MEMO1: variants seen among roughly 807,000 people sequenced by gnomAD.
The protein encoded by MEMO1 is mediator of cell motility 1.
Under a neutral mutation model 45.2 loss-of-function variants are expected in MEMO1, and 6 were observed. That is an observed-to-expected ratio of 0.13 (90% CI 0.07 to 0.26). The LOEUF (loss-of-function observed/expected upper bound fraction) is 0.26. Among genes scored for constraint, MEMO1 ranks in the 10% least tolerant of loss-of-function variants. The probability of loss-of-function intolerance (pLI) is 1.00; values close to 1 mark genes in which losing one functional copy is unlikely to be tolerated. For missense variants in MEMO1, 184 were observed against 370.5 expected (o/e 0.50, Z 4.13); for synonymous variants, 78 against 124.3 (o/e 0.63, Z 2.48).
chr2:32,010,721 G>GC (rs2148641510), intron 1 of MEMO1, among the ~76,000 whole-genome samples: 1 of 144,220 alleles, frequency 6.9e-6, no homozygotes, highest in East Asian at 2.3e-4. Flanking sequence ...CCCACCCCCG[G>GC]CAGGGCCCTC....
intron 6 of MEMO1, among the ~76,000 whole-genome samples, chr2:31,907,822 T>C (rs889834702): frequency 3.0e-3 from 337 of 111,046 alleles, no homozygotes; most frequent in South Asian, 4.0e-3. Context: ...CACACACACA[T>C]ACACACAACT....
chr2:31,994,967 A>T (rs1475123422), intron 2 of MEMO1, among the ~76,000 whole-genome samples: 1 of 122,848 alleles, frequency 8.1e-6, no homozygotes, highest in Non-Finnish European at 1.7e-5. Context: ...GGAGGAAAAG[A>T]GGGAGAGAGG....
intron 2 of MEMO1, among the ~76,000 whole-genome samples, chr2:31,958,432 G>A (rs1406722708): frequency 2.0e-5 from 3 of 151,776 alleles, no homozygotes; most frequent in Non-Finnish European, 4.4e-5. Flanking sequence ...AAAGGTCAGA[G>A]CCTCAGTCAT....
At chr2:32,009,520 T>A (rs952887824) in intron 2 of MEMO1, among the ~76,000 whole-genome samples, 2 of 152,196 alleles carry the variant, frequency 1.3e-5, no homozygotes, top group African/African-American at 2.4e-5. Flanking sequence ...CTTCACTCCC[T>A]GCAAGACAGC....
At chr2:31,918,284 GACTT>G (rs1296645993) in intron 5 of MEMO1, among the ~76,000 whole-genome samples, 13 of 152,186 alleles carry the variant, frequency 8.5e-5, no homozygotes, top group African/African-American at 2.9e-4. Flanking sequence ...TACGTGTAAA[GACTT>G]ACTCATCATT....
At chr2:31,942,752 G>C (rs1197111377) in intron 3 of MEMO1, among the ~76,000 whole-genome samples, 2 of 151,930 alleles carry the variant, frequency 1.3e-5, no homozygotes, top group African/African-American at 4.8e-5. Flanking sequence ...AAACTCCTGG[G>C]CTCAAGCAAT....
At chr2:31,916,835 CT>C (rs1681520320) in intron 6 of MEMO1, among the ~76,000 whole-genome samples, 1 of 152,014 alleles carries the variant, frequency 6.6e-6, no homozygotes, top group Non-Finnish European at 1.5e-5. Flanking sequence ...GTAAATAATA[CT>C]TTGAATACAG....
chr2:31,937,774 A>T (rs1247170504), intron 3 of MEMO1, among the ~76,000 whole-genome samples: 3 of 152,200 alleles, frequency 2.0e-5, no homozygotes, highest in Admixed American at 2.0e-4. Flanking sequence ...GGGGGGCTTC[A>T]ATATTCAAAG....
chr2:31,975,098 G>C (rs1216726432), intron 2 of MEMO1, among the ~76,000 whole-genome samples: 4 of 151,332 alleles, frequency 2.6e-5, no homozygotes, highest in African/African-American at 9.7e-5. Context: ...CTTGAAACTG[G>C]GAGGCAGAGG....
intron 7 of MEMO1, among the ~76,000 whole-genome samples, chr2:31,890,138 G>A (rs976490345): frequency 6.6e-6 from 1 of 152,080 alleles, no homozygotes; most frequent in African/African-American, 2.4e-5. Flanking sequence ...GAGGTAAAAA[G>A]GATGATTCCA....
chr2:31,902,634 C>G (rs1679033388), intron 6 of MEMO1, among the ~76,000 whole-genome samples: 2 of 152,174 alleles, frequency 1.3e-5, no homozygotes, highest in Admixed American at 1.3e-4. Flanking sequence ...ACAGAGGAAT[C>G]TTTTAGCCCT....
At chr2:31,875,934 G>A (rs899480023) in intron 8 of MEMO1, among the ~76,000 whole-genome samples, 1 of 151,934 alleles carries the variant, frequency 6.6e-6, no homozygotes, top group Non-Finnish European at 1.5e-5. Context: ...TGATCTGCTC[G>A]CCTCGGCCCC....
chr2:31,977,802 G>A (rs1053436783), intron 2 of MEMO1, among the ~76,000 whole-genome samples: 17 of 152,046 alleles, frequency 1.1e-4, no homozygotes, highest in African/African-American at 3.9e-4. Flanking sequence ...GGGATTACAG[G>A]CATGAGCCAC....
At chr2:31,984,504 T>C (rs1388042848) in intron 2 of MEMO1, among the ~76,000 whole-genome samples, 1 of 152,160 alleles carries the variant, frequency 6.6e-6, no homozygotes, top group Non-Finnish European at 1.5e-5. Flanking sequence ...GATAAGATCC[T>C]AGAACAGAGA....
chr2:31,881,761 A>C (rs1220365388), intron 8 of MEMO1, among the ~76,000 whole-genome samples: 1 of 152,030 alleles, frequency 6.6e-6, no homozygotes, highest in East Asian at 1.9e-4. Flanking sequence ...TAATCCCAGC[A>C]CTCTGGGAGG....
intron 6 of MEMO1, among the ~76,000 whole-genome samples, chr2:31,900,878 G>A (rs1678684527): frequency 6.6e-6 from 1 of 152,076 alleles, no homozygotes; most frequent in Admixed American, 6.5e-5. Context: ...AGTCACTTTG[G>A]AAAACACTTT....
chr2:31,907,581 G>A (rs542273130), intron 6 of MEMO1, among the ~76,000 whole-genome samples: 3 of 152,224 alleles, frequency 2.0e-5, no homozygotes, highest in African/African-American at 7.2e-5. Flanking sequence ...GATCACTTGA[G>A]CCCAGGAGTT....
chr2:31,998,465 A>G (rs1044370239), intron 2 of MEMO1, among the ~76,000 whole-genome samples: 1 of 152,096 alleles, frequency 6.6e-6, no homozygotes, highest in African/African-American at 2.4e-5. Context: ...TTGTCTAACT[A>G]TTCTCATTCC....
intron 2 of MEMO1, among the ~76,000 whole-genome samples, chr2:31,954,822 G>A (rs145371465): frequency 0.015 from 2,158 of 147,082 alleles, 13 homozygotes; most frequent in Non-Finnish European, 0.023. Context: ...CAATAACAGC[G>A]AAACTCTGTT....
Sources: allele counts gnomAD v4.1 joint callset (sites outside exome capture counted in the v4.1 genomes callset), GRCh38; gene constraint gnomAD v4.1.1; transcripts MANE v1.5; gene names NCBI Gene and HGNC (gene_info 2026-07-23, HGNC 2026-07-21).